The following LMTK2 variants were observed in gnomAD, a reference collection of about 807,000 sequenced individuals.
The protein encoded by LMTK2 is serine/threonine-protein kinase LMTK2.
LMTK2 carries 37 observed loss-of-function variants against 127.5 expected under a neutral mutation model. The observed-to-expected ratio is 0.29, with a 90% CI of 0.22 to 0.38. The LOEUF is 0.38. Ranked by LOEUF, LMTK2 falls within the 10% of genes least tolerant of loss-of-function variation. The pLI, the probability that LMTK2 is intolerant of heterozygous loss-of-function variation, is 1.00. For synonymous variants in LMTK2, 819 were observed against 810.1 expected (o/e 1.01, Z -0.19); for missense variants, 1,694 against 1,920.3 (o/e 0.88, Z 2.20).
chr7:98,188,076 G>A (rs1449037675), intron 9 of LMTK2, among the ~76,000 whole-genome samples: 1 of 152,092 alleles, frequency 6.6e-6, no homozygotes, highest in East Asian at 1.9e-4. Flanking sequence ...ACCCTTCAGT[G>A]CTTTAGAACA....
rs1014832362 is a variant in LMTK2, at chr7:98,171,525, G to A, written c.658-16G>A. ...CTGTGGCTCGTTTGGAAACTCACAC[G>A]GGCTGACTTTTGCAGGGTGACCTGA... On this transcript the variant is annotated splice_polypyrimidine_tract_variant and intron_variant, in intron 6 of 13. Coordinates refer to ENST00000297293, the MANE Select transcript of LMTK2 (RefSeq NM_014916.4). The surrounding 1 kb of genome is among the most constrained non-coding windows in gnomAD (Gnocchi z 5.1). 16 of 1,613,490 alleles carry A rather than the reference G, an allele frequency of 9.9e-6. No individual in the cohort carries two copies. Among genetic ancestry groups the A allele is most frequent in the Admixed American group, 6.7e-5 (4 of 59,984 alleles).
chr7:98,203,638 C>T lies in LMTK2; in HGVS notation c.4172C>T (p.Pro1391Leu). 3 of 1,613,576 alleles carry T rather than the reference C, an allele frequency of 1.9e-6. No individual in the cohort carries two copies. The highest frequency in any genetic ancestry group is 2.2e-5 in the South Asian group (2 of 91,062). Residue 1391 changes from proline to leucine, a missense_variant, in exon 12 of 14, where the codon CCA becomes CTA. By Grantham distance (98) the Pro-to-Leu change is moderately conservative. This residue lies in a region of LMTK2 where 554 missense variants were observed against 567.7 expected (regional missense o/e 0.98). Coordinates refer to ENST00000297293, the MANE Select transcript of LMTK2 (RefSeq NM_014916.4). ...GCGTGCGGCCCGGACCTGAGCGGCC[C>T]AGCCCCAGCCTCAGGCTCTCCCTAC... Reference protein sequence around the residue: ...GEACGPDLSGPAPASGSPYLS... With the variant: ...GEACGPDLSGLAPASGSPYLS...
intron 1 of LMTK2, among the ~76,000 whole-genome samples, chr7:98,131,451 T>C (rs1013067458): frequency 6.6e-6 from 1 of 152,330 alleles, no homozygotes; most frequent in Non-Finnish European, 1.5e-5. Context: ...GCTGATTACA[T>C]TCTTGTGGTG....
intron 3 of LMTK2, among the ~76,000 whole-genome samples, chr7:98,150,561 T>G (rs1796838930): frequency 6.6e-6 from 1 of 152,204 alleles, no homozygotes; most frequent in Non-Finnish European, 1.5e-5. Context: ...ATGCATGTAT[T>G]TATAGCATCT....
In LMTK2 at chr7:98,171,737, G is replaced by A; in HGVS notation, c.791+63G>A. 6.8e-7 allele frequency: 1 copy of A among 1,476,896 alleles called. No homozygotes were observed. The highest frequency in any genetic ancestry group is 8.9e-7 in the Non-Finnish European group (1 of 1,119,118). 91.5% of individuals were successfully genotyped at this position (1,476,896 alleles called of 1,614,324 possible). A position where few individuals can be genotyped will look rare whatever the true frequency, so the allele number is the denominator to read the frequency against. On this transcript the variant is annotated intron_variant, in intron 7 of 13. Transcript: ENST00000297293. This position sits in a 1 kb window ranked among gnomAD's most constrained non-coding sequence, Gnocchi z 5.1. Reference sequence around the variant, plus strand: ...ACCGGCGGGACAGTCCAGAGAGGCTGCCGAGTTTGTGAAACTTAAGGAGGA... The same window carrying A: ...ACCGGCGGGACAGTCCAGAGAGGCTACCGAGTTTGTGAAACTTAAGGAGGA...
At position 98,154,750 on chromosome 7, in the gene LMTK2, G is replaced by A. The variant is rs1379196882; in HGVS notation, c.451-8G>A. The A allele has an allele frequency of 1.0e-5, 16 of 1,579,402 alleles. No homozygotes were observed. Among genetic ancestry groups the A allele is most frequent in the Middle Eastern group, 1.7e-4 (1 of 5,966 alleles). On this transcript the variant is annotated splice_region_variant and splice_polypyrimidine_tract_variant and intron_variant, in intron 4 of 13. Coordinates refer to ENST00000297293, the MANE Select transcript of LMTK2 (RefSeq NM_014916.4). Reference sequence around the variant, plus strand: ...GAAATGACACAAAAAACTGTTCTTTGATTTTAGGTTCTCTTGGGAGAGATT... The same window carrying A: ...GAAATGACACAAAAAACTGTTCTTTAATTTTAGGTTCTCTTGGGAGAGATT...
chr7:98,195,898 T>C (rs1220829152), intron 11 of LMTK2, among the ~76,000 whole-genome samples: 1 of 152,084 alleles, frequency 6.6e-6, no homozygotes, highest in East Asian at 1.9e-4. Flanking sequence ...GTTTAAAAAA[T>C]GAAAAGTAAG....
chr7:98,170,647 G>A (rs371806435), intron 6 of LMTK2, among the ~76,000 whole-genome samples: 46 of 151,658 alleles, frequency 3.0e-4, no homozygotes, highest in African/African-American at 9.0e-4. Context: ...TAACTGATTC[G>A]AGGAAACTTT....
chr7:98,141,603 GC>G, intron 3 of LMTK2, 62 bp downstream of exon 3: 1 of 1,492,452 alleles, frequency 6.7e-7, no homozygotes, highest in Non-Finnish European at 9.3e-7. Context: ...GAGAATGGGA[GC>G]CTAGCCATCA....
In LMTK2 at chr7:98,192,805, G is replaced by C; in HGVS notation, c.2340G>C (p.Leu780Phe). The C allele has an allele frequency of 6.2e-7, 1 of 1,613,832 alleles. No homozygotes were observed. Among genetic ancestry groups the C allele is most frequent in the South Asian group, 1.1e-5 (1 of 91,034 alleles). ...ELQFAENKPGLSLLQENVSTK... is the reference protein window; with the variant it reads ...ELQFAENKPGFSLLQENVSTK... Reference sequence around the variant, plus strand: ...AGTTTGCTGAAAATAAGCCAGGCTTGTCTTTGTTGCAGGAAAACGTAAGCA... The same window carrying C: ...AGTTTGCTGAAAATAAGCCAGGCTTCTCTTTGTTGCAGGAAAACGTAAGCA... The change falls in exon 11 of 14, where the codon TTG (leucine) becomes TTC (phenylalanine). Residue 780 changes from leucine to phenylalanine, a missense_variant. Leu to Phe is a conservative substitution (Grantham distance 22). Coordinates refer to ENST00000297293, the MANE Select transcript of LMTK2 (RefSeq NM_014916.4).
chr7:98,136,025 C>T (rs1355039689), intron 1 of LMTK2, among the ~76,000 whole-genome samples: 2 of 151,920 alleles, frequency 1.3e-5, no homozygotes, highest in Non-Finnish European at 2.9e-5. Flanking sequence ...GGCTGGTTCT[C>T]AAGCAGAGTA....
intron 1 of LMTK2, among the ~76,000 whole-genome samples, chr7:98,132,473 T>G (rs879349796): frequency 1.3e-5 from 2 of 152,070 alleles, no homozygotes; most frequent in African/African-American, 2.4e-5. Flanking sequence ...ATGGTCTCAA[T>G]CTCCTGACCT....
chr7:98,108,396 CAT>C (rs1796149216), intron 1 of LMTK2, among the ~76,000 whole-genome samples: 2 of 152,148 alleles, frequency 1.3e-5, no homozygotes, highest in South Asian at 4.1e-4. Flanking sequence ...CCAGTAAAGA[CAT>C]ATTTTTCAAA....
At chr7:98,204,223 G>C (rs774551183) in intron 13 of LMTK2, 37 bp downstream of exon 13, 2 of 1,052,008 alleles carry the variant, frequency 1.9e-6, no homozygotes, top group East Asian at 4.8e-5. Flanking sequence ...GGGAGTGCAG[G>C]GTCGGGGGTG....
At chr7:98,195,490 G>T (rs1175332367) in intron 11 of LMTK2, among the ~76,000 whole-genome samples, 3 of 151,392 alleles carry the variant, frequency 2.0e-5, no homozygotes, top group Non-Finnish European at 4.4e-5. Flanking sequence ...AAAAAAAAAA[G>T]TTCTTTTCAT....
At chr7:98,123,161 G>A (rs562908396) in intron 1 of LMTK2, among the ~76,000 whole-genome samples, 2 of 152,130 alleles carry the variant, frequency 1.3e-5, no homozygotes, top group Admixed American at 1.3e-4. Flanking sequence ...CCACATTGTG[G>A]GCTAATGTGC....
intron 2 of LMTK2, among the ~76,000 whole-genome samples, chr7:98,140,144 TTTCTTTTCTTTTCTTTTCTTTTC>T (rs1796664360): frequency 1.6e-5 from 1 of 60,696 alleles, no homozygotes; most frequent in African/African-American, 1.8e-4. Flanking sequence ...CTTTCTTTCT[TTTCTTTTCTTTTCTTTTCTTTTC>T]TTTTCTTTCT....
At chr7:98,139,260 A>C (rs1048837220) in intron 2 of LMTK2, among the ~76,000 whole-genome samples, 2 of 152,108 alleles carry the variant, frequency 1.3e-5, no homozygotes, top group Non-Finnish European at 2.9e-5. Context: ...TACTGCAGGC[A>C]CACGCCATCA....
Position 98,206,900 on chromosome 7 carries a change from C to T in LMTK2, c.*1408C>T, listed in dbSNP as rs116856481. 0.012 allele frequency: 1,856 copies of T among 152,296 alleles called. 17 individuals are homozygous for T. Among genetic ancestry groups the T allele is most frequent in the Admixed American group, 0.02 (306 of 15,296 alleles). 9.4% of individuals were successfully genotyped at this position (152,296 alleles called of 1,614,324 possible). A position where few individuals can be genotyped will look rare whatever the true frequency, so the allele number is the denominator to read the frequency against. On this transcript the variant is annotated 3_prime_UTR_variant, in exon 14 of 14. Transcript: ENST00000297293. Reference sequence around the variant, plus strand: ...GCCGACACATAGTTCGGGTCGGGGCCTTGGGTGGTCCTGCATGGCCCGGGA... The same window carrying T: ...GCCGACACATAGTTCGGGTCGGGGCTTTGGGTGGTCCTGCATGGCCCGGGA...
Sources: allele counts gnomAD v4.1 joint callset (sites outside exome capture counted in the v4.1 genomes callset), GRCh38; gene constraint gnomAD v4.1.1; regional missense constraint gnomAD v4.1.1; non-coding constraint Gnocchi (gnomAD v3.1); transcripts MANE v1.5; gene names NCBI Gene and HGNC (gene_info 2026-07-23, HGNC 2026-07-21).